The following PDE2A variants were observed in gnomAD, a reference collection of about 807,000 sequenced individuals.
The protein encoded by PDE2A is phosphodiesterase 2A, also known as cGMP-dependent 3',5'-cyclic phosphodiesterase.
In PDE2A, 53 loss-of-function variants were observed where a neutral mutation model predicts 133.6. The ratio of observed to expected loss-of-function variants is 0.40; its 90% confidence interval spans 0.32 to 0.50. PDE2A has a LOEUF of 0.50. PDE2A is among the 20% of genes least tolerant of loss of function. The probability of loss-of-function intolerance (pLI) is 0.73; values close to 1 mark genes in which losing one functional copy is unlikely to be tolerated. For missense variants in PDE2A, 796 were observed against 1,232.4 expected, an observed-to-expected ratio of 0.65 and a Z score of 5.30; for synonymous variants, 491 against 490.2, an observed-to-expected ratio of 1.00 and a Z score of -0.02.
chr11:72,644,784 G>T (rs1391996691), intron 1 of PDE2A, among the ~76,000 whole-genome samples: 1 of 150,714 alleles, frequency 6.6e-6, no homozygotes, highest in Admixed American at 6.6e-5. Flanking sequence ...TTGAGACGGA[G>T]TCTCGCTCTG....
At chr11:72,631,077 C>G in intron 2 of PDE2A, 1 of 1,546,930 alleles carries the variant, frequency 6.5e-7, no homozygotes, top group Non-Finnish European at 8.7e-7. Context: ...TGAGCTCTCA[C>G]CTCCAGTCGG....
At chr11:72,581,062 C>G (rs1855703924) in intron 23 of PDE2A, 89 bp from the exon 24 acceptor site, 3 of 946,218 alleles carry the variant, frequency 3.2e-6, no homozygotes, top group African/African-American at 1.6e-5. Flanking sequence ...AGATGACATG[C>G]CCAGGAGCCA....
Position 72,591,318 on chromosome 11 carries a change from G to A in PDE2A, c.528C>T (p.Ser176=). ...CGQLSDNEEW[S]LQAVEKHTLV... is the part of the protein sequence containing the mutation. The stretch of plus-strand genomic sequence containing the variant: ...TCACATGCTTCTCCACCGCCTGCAG[G>A]CTCCATTCCTCATTATCACTCAGCT... The change falls in exon 7 of 31, where the codon AGC becomes AGT. Residue 176 remains serine (S), a synonymous_variant. Transcript: ENST00000334456. The A allele has an allele frequency of 6.2e-7, 1 of 1,613,804 alleles. No homozygotes were observed. The highest frequency in any genetic ancestry group is 8.5e-7 in the Non-Finnish European group (1 of 1,179,748).
At chr11:72,639,043 C>G (rs1359981715) in intron 2 of PDE2A, among the ~76,000 whole-genome samples, 1 of 152,226 alleles carries the variant, frequency 6.6e-6, no homozygotes, top group African/African-American at 2.4e-5. Context: ...CCAGCCCCTT[C>G]CCTGACTGAC....
chr11:72,582,100 C>T (rs551552369), intron 21 of PDE2A, 153 bp from the exon 22 acceptor site: 103 of 652,038 alleles, frequency 1.6e-4, no homozygotes, highest in African/African-American at 1.5e-3. Context: ...CAACCGTTCT[C>T]GGAGCTATGC....
intron 2 of PDE2A, among the ~76,000 whole-genome samples, chr11:72,619,530 C>T (rs1426308991): frequency 6.6e-6 from 1 of 152,154 alleles, no homozygotes; most frequent in Non-Finnish European, 1.5e-5. Flanking sequence ...TGTGTGAGTA[C>T]CCTGTGTCTA....
chr11:72,584,413 G>C (rs561407767), intron 18 of PDE2A, 100 bp from the exon 19 acceptor site: 5 of 1,253,834 alleles, frequency 4.0e-6, no homozygotes, highest in East Asian at 2.5e-5. Context: ...CGCAGGTTAC[G>C]TACGTCCCAG....
At position 72,577,345 on chromosome 11, in the gene PDE2A, T is replaced by C. The variant is rs370890093; in HGVS notation, c.*39A>G. ...ATCTGGCCAGACCAGTGGAGGGCTG[T>C]GGGAGGTGGCCTGGGCAGGGAAGTG... On this transcript the variant is annotated 3_prime_UTR_variant, in exon 31 of 31. Coordinates refer to ENST00000334456, the MANE Select transcript of PDE2A (RefSeq NM_002599.5). 2.0e-6 allele frequency: 3 copies of C among 1,508,788 alleles called. No individual in the cohort carries two copies. The African/African-American group carries it at 4.1e-5, about 21-fold the overall frequency. The allele number at this position is 1,508,788 out of a possible 1,614,324, so 93.5% of individuals were successfully genotyped here. A position where few individuals can be genotyped will look rare whatever the true frequency, so the allele number is the denominator to read the frequency against.
chr11:72,653,140 C>T (rs191579734), intron 1 of PDE2A, among the ~76,000 whole-genome samples: 5 of 152,262 alleles, frequency 3.3e-5, no homozygotes, highest in African/African-American at 7.2e-5. Flanking sequence ...TTGGGGCTTC[C>T]GAGGCAGCCA....
rs542416531 is a variant in PDE2A at position 72,660,449 on chromosome 11, G to C, written c.71+13688C>G. 7.2e-4 allele frequency among the ~76,000 whole-genome samples: 109 copies of C among 152,302 alleles called. 1 individual carries two copies. The South Asian group carries it at 0.022, about 31-fold the overall frequency. Reference sequence around the variant, plus strand: ...CAAGGACTCACTAGGCACCTTCTGAGTGCATTTGCACATCCTTGATCTCAT... The same window carrying C: ...CAAGGACTCACTAGGCACCTTCTGACTGCATTTGCACATCCTTGATCTCAT... On this transcript the variant is annotated intron_variant, in intron 1 of 30. Coordinates refer to ENST00000334456, the MANE Select transcript of PDE2A (RefSeq NM_002599.5).
At chr11:72,596,470 TCTCTCTCTCTCTCTCA>T in intron 6 of PDE2A, 107 bp downstream of exon 6, 3 of 205,536 alleles carry the variant, frequency 1.5e-5, no homozygotes, top group Non-Finnish European at 1.7e-5. Context: ...TCTCTCTCTC[TCTCTCTCTCTCTCTCA>T]CACACACACA....
At chr11:72,624,623 C>G (rs1444623934) in intron 2 of PDE2A, among the ~76,000 whole-genome samples, 1 of 152,244 alleles carries the variant, frequency 6.6e-6, no homozygotes, top group African/African-American at 2.4e-5. Flanking sequence ...GCTCACGTTT[C>G]TGTATTTGAT....
At position 72,608,855 on chromosome 11, in the gene PDE2A, C is replaced by T. The variant is rs139581238; in HGVS notation, c.145-104G>A. 8.0e-4 allele frequency: 538 copies of T among 669,316 alleles called. 2 individuals are homozygous for T. In the East Asian group the frequency reaches 0.015, roughly 18 times the overall value. 41.5% of individuals were successfully genotyped at this position (669,316 alleles called of 1,614,324 possible). A position where few individuals can be genotyped will look rare whatever the true frequency, so the allele number is the denominator to read the frequency against. ...AAACCCCCCAGCTTAGTCCAGAGCCCGAGTCTTTCAGGCACAGGAATCCCA... is the reference window on the plus strand; with the variant it reads ...AAACCCCCCAGCTTAGTCCAGAGCCTGAGTCTTTCAGGCACAGGAATCCCA... On this transcript the variant is annotated intron_variant, in intron 2 of 30. Transcript: ENST00000334456.
At chr11:72,592,013 C>A (rs996462846) in intron 6 of PDE2A, among the ~76,000 whole-genome samples, 3 of 152,154 alleles carry the variant, frequency 2.0e-5, no homozygotes, top group African/African-American at 7.2e-5. Flanking sequence ...CCGTTCTCTG[C>A]CCACACCTTC....
At chr11:72,646,672 C>T (rs973473146) in intron 1 of PDE2A, among the ~76,000 whole-genome samples, 8 of 152,164 alleles carry the variant, frequency 5.3e-5, no homozygotes, top group Non-Finnish European at 1.2e-4. Flanking sequence ...CTCATCCCCA[C>T]GTGACTTTTT....
chr11:72,586,202 A>C, intron 13 of PDE2A, 21 bp from the exon 14 acceptor site: 7 of 1,429,946 alleles, frequency 4.9e-6, no homozygotes, highest in Non-Finnish European at 5.9e-6. Flanking sequence ...GGGTGGGCTC[A>C]CTCAGGAGGG....
At chr11:72,637,610 T>C (rs999943360) in intron 2 of PDE2A, among the ~76,000 whole-genome samples, 1 of 152,228 alleles carries the variant, frequency 6.6e-6, no homozygotes, top group Non-Finnish European at 1.5e-5. Flanking sequence ...TTAGGGACAG[T>C]CTGCGGGAAG....
At chr11:72,631,041 T>G in intron 2 of PDE2A, 114 of 637,080 alleles carry the variant, frequency 1.8e-4, no homozygotes, top group Non-Finnish European at 2.9e-4. Flanking sequence ...CCCCACCCCC[T>G]CAAGCCCACC....
chr11:72,637,178 A>C (rs1196255798), intron 2 of PDE2A, among the ~76,000 whole-genome samples: 1 of 151,280 alleles, frequency 6.6e-6, no homozygotes, highest in African/African-American at 2.4e-5. Flanking sequence ...CCTCCCTCCC[A>C]CTCTGGGCTG....
Sources: gnomAD v4.1 joint callset for allele counts (sites outside exome capture counted in the v4.1 genomes callset) on GRCh38, gnomAD v4.1.1 for gene constraint, MANE v1.5 for transcripts, NCBI Gene and HGNC (gene_info 2026-07-23, HGNC 2026-07-21) for gene names.